Variants in SULT2A1 observed in about 807,000 individuals in gnomAD.
The protein encoded by SULT2A1 is sulfotransferase family 2A member 1.
Under a neutral mutation model 33.9 loss-of-function variants are expected in SULT2A1, and 43 were observed. The ratio of observed to expected loss-of-function variants is 1.27; its 90% confidence interval spans 1.00 to 1.64. The LOEUF (loss-of-function observed/expected upper bound fraction) is 1.64. Among genes scored for constraint, SULT2A1 ranks in the 40% most tolerant of loss-of-function variants. The pLI, the probability that SULT2A1 is intolerant of heterozygous loss-of-function variation, is 0.00. For synonymous variants in SULT2A1, 125 were observed against 113.6 expected, an observed-to-expected ratio of 1.10 and a Z score of -0.64; for missense variants, 300 against 335.1, an observed-to-expected ratio of 0.90 and a Z score of 0.82.
chr19:47,879,886 C>A (rs1044438053), intron 3 of SULT2A1, among the ~76,000 whole-genome samples: 1 of 151,654 alleles, frequency 6.6e-6, no homozygotes, highest in South Asian at 2.1e-4. Flanking sequence ...ATGTAACAAA[C>A]CTGTACGTTG....
chr19:47,874,859 G>A (rs759732077), intron 4 of SULT2A1, 25 bp from the exon 5 acceptor site: 1 of 1,604,166 alleles, frequency 6.2e-7, no homozygotes, highest in East Asian at 2.2e-5. Context: ...TCAAGAGAGA[G>A]GATACGAAAG....
chr19:47,885,139 G>A (rs949034324), intron 1 of SULT2A1, among the ~76,000 whole-genome samples: 2 of 152,076 alleles, frequency 1.3e-5, no homozygotes, highest in African/African-American at 4.8e-5. Context: ...CTACGGTTTC[G>A]TAGTGTTAAG....
At chr19:47,884,804 CTTTTTTTTTTTTTT>C (rs71181611) in intron 1 of SULT2A1, among the ~76,000 whole-genome samples, 1,365 of 64,070 alleles carry the variant, frequency 0.021, 20 homozygotes, top group Admixed American at 0.035. Context: ...CTCTCAACCA[CTTTTTTTTTTTTTT>C]TTTTTTTTTT....
chr19:47,880,254 A>AAAC (rs1555804755), intron 3 of SULT2A1, among the ~76,000 whole-genome samples: 1 of 150,586 alleles, frequency 6.6e-6, no homozygotes, highest in Non-Finnish European at 1.5e-5. Context: ...AAAAAAAAAA[A>AAAC]AAAACCTGAA....
At position 47,871,533 on chromosome 19, in the gene SULT2A1, C is replaced by G. The variant is rs1345623722; in HGVS notation, c.780G>C (p.Val260=). Reference sequence around the variant, plus strand: ...ATTTATCAAAGTCTTCAGCTTGGGCCACTGTGAAGTGATTTTTCCAGTCCC... The same window carrying G: ...ATTTATCAAAGTCTTCAGCTTGGGCGACTGTGAAGTGATTTTTCCAGTCCC... ...VSGDWKNHFT[V]AQAEDFDKLF... The change falls in exon 6 of 6, where the codon GTG becomes GTC. Residue 260 remains valine, a synonymous_variant. Coordinates refer to ENST00000222002, the MANE Select transcript of SULT2A1 (RefSeq NM_003167.4). 6.2e-7 allele frequency: 1 copy of G among 1,614,012 alleles called. No homozygotes were observed. The highest frequency in any genetic ancestry group is 8.5e-7 in the Non-Finnish European group (1 of 1,179,996).
chr19:47,873,339 T>C (rs187538713), intron 5 of SULT2A1, among the ~76,000 whole-genome samples: 86 of 151,644 alleles, frequency 5.7e-4, no homozygotes, highest in African/African-American at 2.0e-3. Flanking sequence ...TTGGCTAATT[T>C]TTTGTATTTT....
chr19:47,881,996 G>A, intron 3 of SULT2A1, 88 bp downstream of exon 3: 2 of 1,558,218 alleles, frequency 1.3e-6, no homozygotes, highest in East Asian at 2.3e-5. Context: ...CAACCCATGG[G>A]TTGGTGAGAT....
At chr19:47,874,630 T>G in intron 5 of SULT2A1, 27 bp downstream of exon 5, 1 of 1,602,076 alleles carries the variant, frequency 6.2e-7, no homozygotes, top group Non-Finnish European at 8.5e-7. Context: ...TTCTGGTATA[T>G]TTGGAAACCA....
chr19:47,877,495 C>T (rs1968558092), intron 4 of SULT2A1, among the ~76,000 whole-genome samples: 1 of 151,452 alleles, frequency 6.6e-6, no homozygotes, highest in South Asian at 2.1e-4. Flanking sequence ...CTACTTTGGC[C>T]TCCCAAAGTG....
At chr19:47,881,799 A>G (rs1434220636) in intron 3 of SULT2A1, among the ~76,000 whole-genome samples, 1 of 152,068 alleles carries the variant, frequency 6.6e-6, no homozygotes, top group Non-Finnish European at 1.5e-5. Context: ...TAACTTCCAG[A>G]CATCTAGCAT....
intron 4 of SULT2A1, among the ~76,000 whole-genome samples, chr19:47,877,565 T>C (rs1220824342): frequency 2.0e-5 from 3 of 151,288 alleles, no homozygotes; most frequent in Non-Finnish European, 4.4e-5. Context: ...TTTTTTTTTT[T>C]TTGAGACAGG....
At chr19:47,877,034 G>A (rs1411781140) in intron 4 of SULT2A1, among the ~76,000 whole-genome samples, 44 of 143,340 alleles carry the variant, frequency 3.1e-4, no homozygotes, top group Non-Finnish European at 1.1e-4. Flanking sequence ...CCGAGATCGT[G>A]CCACTGCACT....
chr19:47,877,078 TAAAA>T (rs10676904), intron 4 of SULT2A1, among the ~76,000 whole-genome samples: 8 of 123,288 alleles, frequency 6.5e-5, no homozygotes, highest in African/African-American at 2.1e-4. Flanking sequence ...CTCCACCTCA[TAAAA>T]AAAAAAAAAA....
intron 3 of SULT2A1, among the ~76,000 whole-genome samples, chr19:47,881,195 C>T (rs1968600188): frequency 6.6e-6 from 1 of 151,862 alleles, no homozygotes. Context: ...ACCACCACGG[C>T]CAGCTAATTT....
intron 4 of SULT2A1, 132 bp downstream of exon 4, chr19:47,878,904 C>G (rs1968574766): frequency 2.8e-6 from 2 of 716,250 alleles, no homozygotes; most frequent in South Asian, 3.2e-5. Context: ...TAATCCTGCT[C>G]TTTGTGACTC....
intron 1 of SULT2A1, among the ~76,000 whole-genome samples, 158 bp from the exon 2 acceptor site, chr19:47,883,943 T>A (rs1968628375): frequency 6.6e-6 from 1 of 151,522 alleles, no homozygotes; most frequent in Non-Finnish European, 1.5e-5. Flanking sequence ...CCGTCTCTAC[T>A]AAAAATACAA....
intron 3 of SULT2A1, among the ~76,000 whole-genome samples, chr19:47,881,612 A>G (rs1454054465): frequency 6.6e-6 from 1 of 152,142 alleles, no homozygotes; most frequent in Non-Finnish European, 1.5e-5. Flanking sequence ...CAATTGCAAA[A>G]TGGAAAGTAC....
At chr19:47,876,108 C>CTCA (rs1208358795) in intron 4 of SULT2A1, among the ~76,000 whole-genome samples, 2 of 152,166 alleles carry the variant, frequency 1.3e-5, no homozygotes, top group African/African-American at 4.8e-5. Flanking sequence ...CTCCGCCTCC[C>CTCA]AGGCTCAAGC....
rs934976565 is a variant in SULT2A1 at position 47,884,110 on chromosome 19, A to C, written c.137-325T>G. On this transcript the variant is annotated intron_variant, in intron 1 of 5. Coordinates refer to ENST00000222002, the MANE Select transcript of SULT2A1 (RefSeq NM_003167.4). ...ACAGAGTGAGACTCAGTCTCAAAAA[A>C]AAAAACAAAAACAAAAACAAAAAAA... 1.3e-4 allele frequency among the ~76,000 whole-genome samples: 20 copies of C among 150,892 alleles called. 1 individual carries two copies. Among genetic ancestry groups the C allele is most frequent in the South Asian group, 4.2e-4 (2 of 4,784 alleles).
Sources: gnomAD v4.1 joint callset for allele counts (sites outside exome capture counted in the v4.1 genomes callset) on GRCh38, gnomAD v4.1.1 for gene constraint, MANE v1.5 for transcripts, NCBI Gene and HGNC (gene_info 2026-07-23, HGNC 2026-07-21) for gene names.